FER1L5: variants seen among roughly 807,000 people sequenced by gnomAD.
FER1L5 encodes fer-1 like family member 5.
Under a neutral mutation model 279.9 loss-of-function variants are expected in FER1L5, and 187 were observed. The ratio of observed to expected loss-of-function variants is 0.67; its 90% CI spans 0.59 to 0.75. The LOEUF (loss-of-function observed/expected upper bound fraction) is 0.75. Among genes scored for constraint, FER1L5 ranks in the 30% least tolerant of loss-of-function variants. The pLI, the probability that FER1L5 is intolerant of heterozygous loss-of-function variation, is 0.00. For missense variants in FER1L5, 2,091 were observed against 2,594.4 expected, an observed-to-expected ratio of 0.81 and a Z score of 4.21; for synonymous variants, 921 against 989.7, an observed-to-expected ratio of 0.93 and a Z score of 1.30.
At chr2:96,657,105 T>C (rs1243727705) in intron 9 of FER1L5, among the ~76,000 whole-genome samples, 1 of 151,206 alleles carries the variant, frequency 6.6e-6, no homozygotes, top group African/African-American at 2.4e-5. Context: ...GACAGAGTCT[T>C]GCTCTGTCAC....
chr2:96,648,475 C>T (rs1046781703), intron 4 of FER1L5, among the ~76,000 whole-genome samples: 5 of 152,154 alleles, frequency 3.3e-5, no homozygotes, highest in Admixed American at 1.3e-4. Flanking sequence ...TTGGAGGCTA[C>T]GGGGGAGCCC....
Position 96,702,605 on chromosome 2 carries a change from T to C in FER1L5, c.5261T>C (p.Leu1754Ser). 1.3e-6 allele frequency: 2 copies of C among 1,571,280 alleles called. No homozygotes were observed. Among genetic ancestry groups the C allele is most frequent in the Non-Finnish European group, 1.7e-6 (2 of 1,158,574 alleles). ...KTSDIYIKGW[L>S]YGLEKDMQKT... ...TGATAGGACTCTGGCCCCAGGTGGT[T>C]ATACGGGCTGGAGAAGGACATGCAG... Residue 1754 changes from leucine (L) to serine (S), a missense_variant, in exon 48 of 53, where the codon TTA becomes TCA. Physicochemically the swap from Leu to Ser is moderately radical, Grantham distance 145. Coordinates refer to ENST00000624922, the MANE Select transcript of FER1L5 (RefSeq NM_001293083.2). The surrounding 1 kb of genome is among the most constrained non-coding windows in gnomAD (Gnocchi z 4.0).
At chr2:96,649,793 T>G in intron 5 of FER1L5, 116 bp downstream of exon 5, 1 of 1,035,572 alleles carries the variant, frequency 9.7e-7, no homozygotes, top group South Asian at 1.5e-5. Context: ...AGAAGGAATG[T>G]GACCAGGCTA....
intron 14 of FER1L5, among the ~76,000 whole-genome samples, chr2:96,664,730 T>A (rs756970555): frequency 1.3e-5 from 2 of 152,218 alleles, no homozygotes; most frequent in Non-Finnish European, 2.9e-5. Flanking sequence ...ATGGTAGATG[T>A]ATTAAGCAAT....
In FER1L5 at chr2:96,700,351, T is replaced by C. The variant is rs61742095; in HGVS notation, c.4950T>C (p.Val1650=). 109,644 of 1,613,362 alleles carry C rather than the reference T, an allele frequency of 0.068. 4,140 individuals are homozygous for C. The highest frequency in any genetic ancestry group is 0.13 in the Middle Eastern group (800 of 6,062). The change falls in exon 45 of 53, where the codon GTT becomes GTC. Residue 1650 remains valine (V), a synonymous_variant. Transcript: ENST00000624922. The stretch of plus-strand genomic sequence containing the variant: ...ATCCAGAGCCCAAAACCCCTACTGT[T>C]CATGGTTTGGGACCCAAGAAGGAAC... ...LQSFEPKTPT[V]HGLGPKKERL...
chr2:96,671,377 G>A (rs1433050924), intron 18 of FER1L5, among the ~76,000 whole-genome samples: 1 of 152,132 alleles, frequency 6.6e-6, no homozygotes, highest in Non-Finnish European at 1.5e-5. Flanking sequence ...AGGTTTCAGA[G>A]ACCCTTTGGA....
In FER1L5 at chr2:96,700,019, G is replaced by T; in HGVS notation, c.4869G>T (p.Leu1623=). The T allele has an allele frequency of 6.2e-7, 1 of 1,614,002 alleles. No homozygotes were observed. Among genetic ancestry groups the T allele is most frequent in the Non-Finnish European group, 8.5e-7 (1 of 1,179,904 alleles). ...YAKRKGLPPP[L]FSPEEDAVFY... Reference sequence around the variant, plus strand: ...AGCGGAAAGGGCTACCTCCGCCTCTGTTCAGTCCTGAGGAAGATGCTGTTT... The same window carrying T: ...AGCGGAAAGGGCTACCTCCGCCTCTTTTCAGTCCTGAGGAAGATGCTGTTT... Residue 1623 remains leucine (L), a synonymous_variant, in exon 44 of 53, where the codon CTG becomes CTT. Transcript: ENST00000624922.
At position 96,652,039 on chromosome 2, in the gene FER1L5, A is replaced by ATCAGGCAAGGAG. The variant is rs1165868537; in HGVS notation, c.633+20_633+31dup. ...TAATGAGGTGGGCTGAACGGGGCAC[A>ATCAGGCAAGGAG]TCAGGCAAGGAGCCAGCCAAGGGCT... On this transcript the variant is annotated intron_variant, in intron 7 of 52. Coordinates refer to ENST00000624922, the MANE Select transcript of FER1L5 (RefSeq NM_001293083.2). 6.4e-7 allele frequency: 1 copy of ATCAGGCAAGGAG among 1,551,566 alleles called. No homozygotes were observed. Among genetic ancestry groups the ATCAGGCAAGGAG allele is most frequent in the South Asian group, 1.2e-5 (1 of 84,058 alleles).
chr2:96,695,350 C>A (rs2077329190), intron 34 of FER1L5, 159 bp from the exon 35 acceptor site: 4 of 951,374 alleles, frequency 4.2e-6, no homozygotes, highest in Non-Finnish European at 6.0e-6. Context: ...GAAGCCTGTC[C>A]TTGTGCGCCT....
chr2:96,695,726 C>G lies in FER1L5; in HGVS notation c.3895-16C>G. 1 of 1,611,124 alleles carries G rather than the reference C, an allele frequency of 6.2e-7. No homozygotes were observed. The highest frequency in any genetic ancestry group is 1.1e-5 in the South Asian group (1 of 90,370). On this transcript the variant is annotated splice_polypyrimidine_tract_variant and intron_variant, in intron 35 of 52. Coordinates refer to ENST00000624922, the MANE Select transcript of FER1L5 (RefSeq NM_001293083.2). Reference sequence around the variant, plus strand: ...TCTGTGGGTCTCACGCTCCCCACGTCTCCTCGGGATTGCAGCTCATGCCGA... The same window carrying G: ...TCTGTGGGTCTCACGCTCCCCACGTGTCCTCGGGATTGCAGCTCATGCCGA...
At chr2:96,678,275 A>C in intron 19 of FER1L5, among the ~76,000 whole-genome samples, 1 of 151,812 alleles carries the variant, frequency 6.6e-6, no homozygotes, top group East Asian at 1.9e-4. Flanking sequence ...GACTACAGGC[A>C]TGTGCCACCA....
chr2:96,651,085 A>G lies in FER1L5; in HGVS notation c.504+796A>G, dbSNP rs2075341201. 2.6e-5 allele frequency among the ~76,000 whole-genome samples: 4 copies of G among 152,204 alleles called. No individual in the cohort carries two copies. The South Asian group carries it at 8.3e-4, about 32-fold the overall frequency. On this transcript the variant is annotated intron_variant, in intron 6 of 52. Coordinates refer to ENST00000624922, the MANE Select transcript of FER1L5 (RefSeq NM_001293083.2). The stretch of plus-strand genomic sequence containing the variant: ...TTCTTCAAAAGCCCCAGTGTCTTCC[A>G]CACAAGATCACAAGATCCAGTTCCT...
intron 24 of FER1L5, among the ~76,000 whole-genome samples, chr2:96,688,345 T>A (rs1160793431): frequency 1.3e-5 from 2 of 152,118 alleles, no homozygotes; most frequent in African/African-American, 4.8e-5. Context: ...GCCTCACCCA[T>A]CACCAACAGG....
At chr2:96,684,759 G>A (rs1404713018) in intron 20 of FER1L5, among the ~76,000 whole-genome samples, 1 of 152,186 alleles carries the variant, frequency 6.6e-6, no homozygotes, top group African/African-American at 2.4e-5. Flanking sequence ...ATGGGGAGAG[G>A]AGAGGAAGAG....
Position 96,661,781 on chromosome 2 carries a change from C to T in FER1L5, c.1008C>T (p.Asp336=), listed in dbSNP as rs769935357. ...AGCTCTTCATCTACTGCGCAGAGGA[C>T]CTTCACCTCAGTTAGAGTCTGGGTG... ...YLQLFIYCAE[D]LHLKKHQSVN... The change falls in exon 12 of 53, where the codon GAC becomes GAT. Residue 336 remains aspartate, a synonymous_variant. Transcript: ENST00000624922. The T allele has an allele frequency of 4.5e-6, 7 of 1,551,458 alleles. No individual in the cohort carries two copies. The highest frequency in any genetic ancestry group is 2.0e-5 in the Admixed American group (1 of 50,984).
Position 96,688,330 on chromosome 2 carries a change from C to T in FER1L5, c.2361+383C>T, listed in dbSNP as rs547287600. ...GTGAAGTGAGCAAGGCTCTGACTTG[C>T]AGGGGCCTCACCCATCACCAACAGG... is the stretch of plus-strand genomic sequence containing the variant. On this transcript the variant is annotated intron_variant, in intron 24 of 52. Transcript: ENST00000624922. Among the ~76,000 whole-genome samples the T allele has an allele frequency of 1.3e-4, 20 of 152,306 alleles. No homozygotes were observed. In the South Asian group the frequency reaches 1.9e-3, roughly 14 times the overall value.
chr2:96,692,994 G>A (rs192764339), intron 31 of FER1L5, among the ~76,000 whole-genome samples: 18 of 152,170 alleles, frequency 1.2e-4, no homozygotes, highest in African/African-American at 4.3e-4. Context: ...TGGCCAACAT[G>A]GTGAAACCCC....
chr2:96,660,712 AC>A (rs1573825537), intron 10 of FER1L5, among the ~76,000 whole-genome samples: 1 of 152,200 alleles, frequency 6.6e-6, no homozygotes, highest in East Asian at 1.9e-4. Context: ...GTGCCACCAC[AC>A]CCAGCTAATT....
intron 44 of FER1L5, 83 bp from the exon 45 acceptor site, chr2:96,700,249 C>A: frequency 1.3e-6 from 2 of 1,587,182 alleles, no homozygotes; most frequent in Non-Finnish European, 1.7e-6. Flanking sequence ...ACCCAGGCTG[C>A]GGTCGGGAGG....
Sources: gnomAD v4.1 joint callset for allele counts (sites outside exome capture counted in the v4.1 genomes callset) on GRCh38, gnomAD v4.1.1 for gene constraint, Gnocchi (gnomAD v3.1) non-coding constraint, MANE v1.5 for transcripts, NCBI Gene and HGNC (gene_info 2026-07-23, HGNC 2026-07-21) for gene names.